Variants in GTF2IRD1 observed in about 807,000 individuals in gnomAD.
GTF2IRD1 encodes the protein general transcription factor II-I repeat domain-containing protein 1.
Under a neutral mutation model 113.2 loss-of-function variants are expected in GTF2IRD1, and 26 were observed. That is an observed-to-expected ratio of 0.23 (90% CI 0.17 to 0.32). The LOEUF is 0.32. Ranked by LOEUF, GTF2IRD1 falls within the 10% of genes least tolerant of loss-of-function variation. GTF2IRD1 has a pLI of 1.00. For synonymous variants in GTF2IRD1, 484 were observed against 529.1 expected (o/e 0.91, Z 1.17); for missense variants, 864 against 1,280.8 (o/e 0.67, Z 4.97).
chr7:74,482,816 G>A (rs189280489), intron 1 of GTF2IRD1, among the ~76,000 whole-genome samples: 3 of 152,272 alleles, frequency 2.0e-5, no homozygotes, highest in East Asian at 3.9e-4. Context: ...CCGTGGTGTT[G>A]CGTGTCTTTG....
intron 1 of GTF2IRD1, among the ~76,000 whole-genome samples, chr7:74,481,228 C>T (rs538305977): frequency 2.3e-4 from 35 of 152,306 alleles, no homozygotes; most frequent in African/African-American, 7.5e-4. Flanking sequence ...AATCCCAGTT[C>T]GATGCATTCT....
intron 16 of GTF2IRD1, among the ~76,000 whole-genome samples, 160 bp downstream of exon 16, chr7:74,545,969 T>C (rs1408174533): frequency 6.6e-6 from 1 of 152,040 alleles, no homozygotes; most frequent in Non-Finnish European, 1.5e-5. Context: ...GGACCCATCA[T>C]GAGGATGGGG....
chr7:74,518,359 T>TGGGCCAGGGCC (rs782229166), intron 5 of GTF2IRD1, 37 bp downstream of exon 5: 1 of 1,518,288 alleles, frequency 6.6e-7, no homozygotes, highest in South Asian at 1.2e-5. Context: ...GGGCTGGGGC[T>TGGGCCAGGGCC]GGGCCAGGGC....
chr7:74,563,491 C>T (rs1259244921), intron 22 of GTF2IRD1, among the ~76,000 whole-genome samples: 3 of 151,754 alleles, frequency 2.0e-5, no homozygotes, highest in Non-Finnish European at 1.5e-5. Context: ...GCAGGAGAAT[C>T]GCTTGAAACT....
At chr7:74,598,659 A>G (rs1802565494) in intron 25 of GTF2IRD1, among the ~76,000 whole-genome samples, 1 of 152,042 alleles carries the variant, frequency 6.6e-6, no homozygotes, top group Non-Finnish European at 1.5e-5. Flanking sequence ...AGAAGGCCAC[A>G]TGAAAGCCTC....
intron 13 of GTF2IRD1, among the ~76,000 whole-genome samples, chr7:74,539,165 G>A (rs1798482389): frequency 6.6e-6 from 1 of 152,222 alleles, no homozygotes; most frequent in Non-Finnish European, 1.5e-5. Context: ...CCAAGAGGGT[G>A]CTGGGCACAG....
chr7:74,596,498 C>T (rs1802423376), intron 25 of GTF2IRD1, among the ~76,000 whole-genome samples: 3 of 150,978 alleles, frequency 2.0e-5, no homozygotes, highest in African/African-American at 7.3e-5. Flanking sequence ...AAAAAATTAG[C>T]CTGGCATGGT....
Position 74,558,274 on chromosome 7 carries a change from C to T in GTF2IRD1, c.2107+552C>T, listed in dbSNP as rs1220120531. ...AGCCTAGGCAACAAAAGCGAAACTC[C>T]GTCTCAAAAAAAAAAAAAAAAAAAT... is the stretch of plus-strand genomic sequence containing the variant. On this transcript the variant is annotated intron_variant, in intron 20 of 26. Coordinates refer to ENST00000424337, the MANE Select transcript of GTF2IRD1 (RefSeq NM_005685.4). 6.4e-5 allele frequency among the ~76,000 whole-genome samples: 8 copies of T among 125,762 alleles called. No homozygotes were observed. The East Asian group carries it at 1.1e-3, about 17-fold the overall frequency. 82.5% of individuals were successfully genotyped at this position (125,762 alleles called of 152,430 possible).
chr7:74,591,481 C>T (rs1410389207), intron 24 of GTF2IRD1, among the ~76,000 whole-genome samples: 2 of 150,504 alleles, frequency 1.3e-5, no homozygotes, highest in East Asian at 1.9e-4. Flanking sequence ...TGAGTTCAAC[C>T]GATTCTCGTG....
In GTF2IRD1 at chr7:74,545,848, C is replaced by A. The variant is rs782131970; in HGVS notation, c.1732+39C>A. 5.4e-6 allele frequency: 8 copies of A among 1,477,634 alleles called. No individual in the cohort carries two copies. In the African/African-American group the frequency reaches 1.1e-4, roughly 20 times the overall value. 91.5% of individuals were successfully genotyped at this position (1,477,634 alleles called of 1,614,324 possible). A position where few individuals can be genotyped will look rare whatever the true frequency, so the allele number is the denominator to read the frequency against. ...GGGACAGGGTCTGGGGGCATCCCGG[C>A]CCCCCTCCAGCCGCCCTGTTTGCAG... On this transcript the variant is annotated intron_variant, in intron 16 of 26. Transcript: ENST00000424337.
intron 22 of GTF2IRD1, among the ~76,000 whole-genome samples, chr7:74,568,242 A>C (rs1361420087): frequency 2.7e-5 from 4 of 147,920 alleles, no homozygotes; most frequent in African/African-American, 1.0e-4. Flanking sequence ...GTGGTGGCTC[A>C]CGCCTGTAAT....
At chr7:74,468,578 G>A (rs1793873317) in intron 1 of GTF2IRD1, among the ~76,000 whole-genome samples, 1 of 150,856 alleles carries the variant, frequency 6.6e-6, no homozygotes, top group South Asian at 2.1e-4. Flanking sequence ...AGAATCACTT[G>A]AACCTCGGAG....
chr7:74,457,331 G>C (rs528906633), intron 1 of GTF2IRD1, among the ~76,000 whole-genome samples: 2 of 152,260 alleles, frequency 1.3e-5, no homozygotes, highest in East Asian at 1.9e-4. Context: ...ATCTTACTCA[G>C]ATGTTTACAT....
At chr7:74,537,886 A>AC (rs1261843728) in intron 11 of GTF2IRD1, among the ~76,000 whole-genome samples, 3 of 152,188 alleles carry the variant, frequency 2.0e-5, no homozygotes, top group African/African-American at 4.8e-5. Context: ...CAGATGGTTC[A>AC]CCCCAGGAGA....
chr7:74,467,072 C>A (rs1383493370), intron 1 of GTF2IRD1, among the ~76,000 whole-genome samples: 1 of 151,820 alleles, frequency 6.6e-6, no homozygotes, highest in African/African-American at 2.4e-5. Context: ...CTTAGCCCTC[C>A]CCAGTAGCTG....
At chr7:74,553,952 G>A (rs1799459440) in intron 17 of GTF2IRD1, among the ~76,000 whole-genome samples, 1 of 152,146 alleles carries the variant, frequency 6.6e-6, no homozygotes, top group South Asian at 2.1e-4. Flanking sequence ...CCCTGGCCCC[G>A]TGACCCCAGC....
chr7:74,573,684 G>A (rs1415678862), intron 22 of GTF2IRD1, among the ~76,000 whole-genome samples: 1 of 152,152 alleles, frequency 6.6e-6, no homozygotes, highest in African/African-American at 2.4e-5. Context: ...GGTAACCATG[G>A]CTCAGCACAT....
At chr7:74,476,910 G>A (rs1162300381) in intron 1 of GTF2IRD1, among the ~76,000 whole-genome samples, 5 of 152,192 alleles carry the variant, frequency 3.3e-5, no homozygotes, top group African/African-American at 1.2e-4. Flanking sequence ...GGTCCTAACA[G>A]GTGTGGTGAA....
intron 23 of GTF2IRD1, among the ~76,000 whole-genome samples, chr7:74,590,207 A>G (rs1283296361): frequency 6.6e-6 from 1 of 151,778 alleles, no homozygotes; most frequent in Non-Finnish European, 1.5e-5. Context: ...CAGCCTCCCA[A>G]GTAGCTGGGA....
Sources: gnomAD v4.1 joint callset for allele counts (sites outside exome capture counted in the v4.1 genomes callset) on GRCh38, gnomAD v4.1.1 for gene constraint, MANE v1.5 for transcripts, NCBI Gene and HGNC (gene_info 2026-07-23, HGNC 2026-07-21) for gene names.